NQO1: variants seen among roughly 807,000 people sequenced by gnomAD.
The protein encoded by NQO1 is NAD(P)H dehydrogenase [quinone] 1.
NQO1 carries 30 observed loss-of-function variants against 32.1 expected under a neutral mutation model. The observed-to-expected ratio is 0.94, with a 90% CI of 0.70 to 1.27. The LOEUF (loss-of-function observed/expected upper bound fraction) is 1.27. Ranked by LOEUF, NQO1 falls within the 50% of genes most tolerant of loss-of-function variation. The pLI, the probability that NQO1 is intolerant of heterozygous loss-of-function variation, is 0.00. For synonymous variants in NQO1, 109 were observed against 119.7 expected (o/e 0.91, Z 0.59); for missense variants, 276 against 331.3 (o/e 0.83, Z 1.30).
Position 69,716,609 on chromosome 16 carries a change from C to T in NQO1, c.303+1514G>A, listed in dbSNP as rs2038116794. ...GAGAAAGTCTTGTCTGACCTCTTATCCTAATAAAAGCAGAGTAAGGACTAT... is the reference window on the plus strand; with the variant it reads ...GAGAAAGTCTTGTCTGACCTCTTATTCTAATAAAAGCAGAGTAAGGACTAT... On this transcript the variant is annotated intron_variant, in intron 3 of 5. Coordinates refer to ENST00000320623, the MANE Select transcript of NQO1 (RefSeq NM_000903.3). 2.0e-5 allele frequency among the ~76,000 whole-genome samples: 3 copies of T among 152,084 alleles called. No individual in the cohort carries two copies. The South Asian group carries it at 6.2e-4, about 32-fold the overall frequency.
intron 3 of NQO1, among the ~76,000 whole-genome samples, chr16:69,715,817 G>A (rs1485526027): frequency 6.6e-6 from 1 of 151,960 alleles, no homozygotes; most frequent in African/African-American, 2.4e-5. Context: ...TTGTTATCGT[G>A]GATGAAAAAT....
intron 4 of NQO1, among the ~76,000 whole-genome samples, chr16:69,714,381 GACTGGTCTCAA>G (rs2151743536): frequency 1.4e-5 from 2 of 144,762 alleles, no homozygotes; most frequent in South Asian, 4.4e-4. Context: ...ATGTTGGCCA[GACTGGTCTCAA>G]ACTCCTGACC....
chr16:69,725,888 CAAAACA>C (rs2038255040), intron 1 of NQO1, among the ~76,000 whole-genome samples: 1 of 138,984 alleles, frequency 7.2e-6, no homozygotes, highest in Non-Finnish European at 1.5e-5. Flanking sequence ...CAAAACAAAA[CAAAACA>C]AAACAAAACA....
In NQO1 at chr16:69,709,546, AC is replaced by A; in HGVS notation, c.*1429del. On this transcript the variant is annotated 3_prime_UTR_variant, in exon 6 of 6. Transcript: ENST00000320623. The stretch of plus-strand genomic sequence containing the variant: ...ATTGTGGATACTGTCGAGAGCAAAA[AC>A]CACCAGTGCCAGTCAGCATCTGGTA... The A allele has an allele frequency of 7.8e-6, 3 of 385,804 alleles. No individual in the cohort carries two copies. Among genetic ancestry groups the A allele is most frequent in the Non-Finnish European group, 1.4e-5 (3 of 218,482 alleles). The allele number at this position is 385,804 out of a possible 1,614,324, so 23.9% of individuals were successfully genotyped here.
rs749241060 is a variant in NQO1 at position 69,718,120 on chromosome 16, T to A, written c.303+3A>T. On this transcript the variant is annotated splice_donor_region_variant and intron_variant, in intron 3 of 5. Coordinates refer to ENST00000320623, the MANE Select transcript of NQO1 (RefSeq NM_000903.3). ...TGACACCCCTTCCGATGTCCCCCCA[T>A]ACCTGGAATATCACAAGGTCTGCGG... 4 of 1,613,842 alleles carry A rather than the reference T, an allele frequency of 2.5e-6. No homozygotes were observed. Among genetic ancestry groups the A allele is most frequent in the African/African-American group, 2.7e-5 (2 of 74,920 alleles).
intron 1 of NQO1, among the ~76,000 whole-genome samples, chr16:69,724,084 C>A (rs992536718): frequency 4.0e-5 from 6 of 151,666 alleles, no homozygotes; most frequent in Non-Finnish European, 5.9e-5. Flanking sequence ...GAGACCGAGG[C>A]GGGTGGATTA....
chr16:69,717,961 C>T, intron 3 of NQO1, 162 bp downstream of exon 3: 1 of 1,047,200 alleles, frequency 9.5e-7, no homozygotes, highest in Non-Finnish European at 1.4e-6. Flanking sequence ...TTCCCAATAT[C>T]TGTGAAATCC....
chr16:69,721,297 G>A (rs565735623), intron 1 of NQO1, among the ~76,000 whole-genome samples: 11 of 152,316 alleles, frequency 7.2e-5, no homozygotes, highest in African/African-American at 2.4e-4. Flanking sequence ...GCCTGTGATA[G>A]GTGATTAGGC....
Position 69,715,001 on chromosome 16 carries a change from T to C in NQO1, c.380A>G (p.Tyr127Cys). The C allele has an allele frequency of 3.1e-6, 5 of 1,613,768 alleles. No individual in the cohort carries two copies. The highest frequency in any genetic ancestry group is 4.2e-6 in the Non-Finnish European group (5 of 1,179,856). Residue 127 changes from tyrosine to cysteine, a missense_variant, in exon 4 of 6, where the codon TAC becomes TGC. Tyr to Cys is a radical substitution (Grantham distance 194). Transcript: ENST00000320623. Reference sequence around the variant, plus strand: ...TTTGTCATACATGGCAGCGTAAGTGTAAGCAAACTCTCCTATGAACACTCG... The same window carrying C: ...TTTGTCATACATGGCAGCGTAAGTGCAAGCAAACTCTCCTATGAACACTCG... The part of the protein sequence containing the change: ...FERVFIGEFA[Y>C]TYAAMYDKGP...
At chr16:69,721,412 G>T (rs1035949482) in intron 1 of NQO1, among the ~76,000 whole-genome samples, 3 of 152,152 alleles carry the variant, frequency 2.0e-5, no homozygotes, top group Non-Finnish European at 4.4e-5. Context: ...CACCGTCTAT[G>T]TAAGGACGCA....
Position 69,718,443 on chromosome 16 carries a change from TTTC to T in NQO1, c.96_98del (p.Lys33del), listed in dbSNP as rs753442731. 3 of 1,614,136 alleles carry T rather than the reference TTTC, an allele frequency of 1.9e-6. No individual in the cohort carries two copies. Among genetic ancestry groups the T allele is most frequent in the Non-Finnish European group, 2.5e-6 (3 of 1,180,004 alleles). ...GGTCCGACTCCACCACCTCCCATCC[TTTC>T]TTCTTCAAAGCCGCTGCAGCAGCCT... On this transcript the variant is annotated inframe_deletion, in exon 2 of 6. Transcript: ENST00000320623.
At chr16:69,722,165 T>TGGGGG (rs2038200902) in intron 1 of NQO1, among the ~76,000 whole-genome samples, 1 of 22,796 alleles carries the variant, frequency 4.4e-5, no homozygotes, top group Non-Finnish European at 8.8e-5. Flanking sequence ...TTTGGCAGGG[T>TGGGGG]GGGGGTGGGG....
chr16:69,711,450 C>T (rs1000779197), intron 5 of NQO1, among the ~76,000 whole-genome samples, 169 bp from the exon 6 acceptor site: 2 of 152,072 alleles, frequency 1.3e-5, no homozygotes, highest in Admixed American at 6.6e-5. Context: ...TCTACCTAGC[C>T]GTTACCAATT....
chr16:69,712,530 C>T (rs1382342532), intron 5 of NQO1, among the ~76,000 whole-genome samples: 4 of 152,188 alleles, frequency 2.6e-5, no homozygotes, highest in East Asian at 1.9e-4. Context: ...CACATGCACA[C>T]GCAGGTGTGT....
intron 5 of NQO1, 132 bp downstream of exon 5, chr16:69,712,896 G>A: frequency 1.4e-6 from 1 of 714,288 alleles, no homozygotes; most frequent in Non-Finnish European, 2.3e-6. Flanking sequence ...AGTAGGCTGA[G>A]GCAGGAGAAT....
Position 69,726,555 on chromosome 16 carries a change from G to A in NQO1, c.-116C>T, listed in dbSNP as rs1348182131. On this transcript the variant is annotated 5_prime_UTR_variant, in exon 1 of 6. Coordinates refer to ENST00000320623, the MANE Select transcript of NQO1 (RefSeq NM_000903.3). ...CTCCGGCTGCAACCTTGTGGGAGTC[G>A]CGTGTGTAGTGCACGGTGCATTCTC... 7.1e-7 allele frequency: 1 copy of A among 1,407,512 alleles called. No homozygotes were observed. Among genetic ancestry groups the A allele is most frequent in the East Asian group, 2.3e-5 (1 of 43,300 alleles). The allele number at this position is 1,407,512 out of a possible 1,614,324, so 87.2% of individuals were successfully genotyped here.
intron 1 of NQO1, among the ~76,000 whole-genome samples, chr16:69,719,759 T>G (rs45534836): frequency 2.6e-4 from 38 of 147,388 alleles, no homozygotes; most frequent in African/African-American, 7.7e-4. Context: ...GGTGACAGAG[T>G]AAGACCCTGT....
At chr16:69,720,145 A>C (rs190389696) in intron 1 of NQO1, among the ~76,000 whole-genome samples, 4 of 152,108 alleles carry the variant, frequency 2.6e-5, no homozygotes, top group Admixed American at 2.6e-4. Flanking sequence ...TGTAGTCCCA[A>C]CTACTCAGGA....
chr16:69,726,118 T>G (rs922810838), intron 1 of NQO1, among the ~76,000 whole-genome samples: 5 of 152,228 alleles, frequency 3.3e-5, no homozygotes, highest in African/African-American at 7.2e-5. Flanking sequence ...GCTGTGACCG[T>G]AAGCCTGATT....
Sources: gnomAD v4.1 joint callset for allele counts (sites outside exome capture counted in the v4.1 genomes callset) on GRCh38, gnomAD v4.1.1 for gene constraint, MANE v1.5 for transcripts, NCBI Gene and HGNC (gene_info 2026-07-23, HGNC 2026-07-21) for gene names.